PHACTR4: variants seen among roughly 807,000 people sequenced by gnomAD.
The protein encoded by PHACTR4 is protein phosphatase 1, regulatory subunit 124.
In PHACTR4, 51 loss-of-function variants were observed where a neutral mutation model predicts 72.7. The observed-to-expected ratio is 0.70, with a 90% confidence interval of 0.56 to 0.89. PHACTR4 has a LOEUF of 0.89. Ranked by LOEUF, PHACTR4 falls within the 40% of genes least tolerant of loss-of-function variation. The pLI is 0.00. For synonymous variants in PHACTR4, 255 were observed against 302.5 expected (o/e 0.84, Z 1.63); for missense variants, 731 against 861.8 (o/e 0.85, Z 1.90).
At chr1:28,445,410 G>A (rs760816184) in intron 2 of PHACTR4, among the ~76,000 whole-genome samples, 3 of 152,010 alleles carry the variant, frequency 2.0e-5, no homozygotes, top group African/African-American at 4.8e-5. Context: ...TAATTAGAAG[G>A]ACCAAAGATT....
intron 1 of PHACTR4, among the ~76,000 whole-genome samples, chr1:28,378,010 A>G (rs1651821862): frequency 1.3e-5 from 2 of 149,464 alleles, no homozygotes. Flanking sequence ...ATCCTGGCTA[A>G]CACGGTGAAA....
At chr1:28,448,388 A>G (rs905740059) in intron 2 of PHACTR4, among the ~76,000 whole-genome samples, 2 of 149,794 alleles carry the variant, frequency 1.3e-5, no homozygotes, top group African/African-American at 5.0e-5. Context: ...GTTTCAAAAA[A>G]AAAGAAAAGA....
At chr1:28,376,159 CTCT>C (rs530353060) in intron 1 of PHACTR4, among the ~76,000 whole-genome samples, 112 of 152,006 alleles carry the variant, frequency 7.4e-4, no homozygotes, top group African/African-American at 2.6e-3. Context: ...TTTTTCTTTT[CTCT>C]TCTTTCTTTT....
chr1:28,400,590 T>C (rs1653871287), intron 1 of PHACTR4, among the ~76,000 whole-genome samples: 1 of 151,464 alleles, frequency 6.6e-6, no homozygotes, highest in Admixed American at 6.6e-5. Flanking sequence ...GAGTGAAGGA[T>C]TTTTTTTGAG....
chr1:28,389,442 A>G (rs1652823177), intron 1 of PHACTR4, among the ~76,000 whole-genome samples: 1 of 151,700 alleles, frequency 6.6e-6, no homozygotes, highest in Admixed American at 6.6e-5. Flanking sequence ...GGGAACCCTC[A>G]TGCACTGTTG....
chr1:28,494,198 CAA>C (rs35161369), intron 13 of PHACTR4: 7 of 136,056 alleles, frequency 5.1e-5, no homozygotes, highest in Non-Finnish European at 8.1e-5. Flanking sequence ...TCCATCCCTA[CAA>C]AAAAAAAAAA....
At chr1:28,473,471 C>T in intron 6 of PHACTR4, 83 bp from the exon 7 acceptor site, 1 of 1,019,784 alleles carries the variant, frequency 9.8e-7, no homozygotes. Context: ...TAAAACTGAA[C>T]TCAACTTTAA....
intron 9 of PHACTR4, among the ~76,000 whole-genome samples, chr1:28,487,061 C>G (rs114626740): frequency 6.6e-6 from 1 of 151,876 alleles, no homozygotes; most frequent in African/African-American, 2.4e-5. Context: ...TACATACATA[C>G]GTACTTTTTA....
At position 28,415,228 on chromosome 1, in the gene PHACTR4, G is replaced by A. The variant is rs895452418; in HGVS notation, c.16+7765G>A. Among the ~76,000 whole-genome samples, 5 of 148,066 alleles carry A rather than the reference G, an allele frequency of 3.4e-5. No individual in the cohort carries two copies. The Admixed American group carries it at 3.4e-4, about 10-fold the overall frequency. On this transcript the variant is annotated intron_variant, in intron 2 of 13. Transcript: ENST00000373839. The stretch of plus-strand genomic sequence containing the variant: ...GTGAGCCAAGATCACGCCACTCCAC[G>A]CCAGCCTGGGCAACAGAGCGAGACT...
intron 6 of PHACTR4, among the ~76,000 whole-genome samples, chr1:28,470,682 G>A (rs1312245084): frequency 6.6e-6 from 1 of 151,904 alleles, no homozygotes; most frequent in South Asian, 2.1e-4. Context: ...CACAGTGTGA[G>A]ACCCTGTCTA....
chr1:28,405,484 G>A (rs1012320152), intron 1 of PHACTR4, among the ~76,000 whole-genome samples: 1 of 151,648 alleles, frequency 6.6e-6, no homozygotes, highest in Non-Finnish European at 1.5e-5. Flanking sequence ...AGGCCACCAT[G>A]CCCAGCTAAT....
chr1:28,487,364 TA>T (rs905531025), intron 9 of PHACTR4, among the ~76,000 whole-genome samples: 2 of 149,316 alleles, frequency 1.3e-5, no homozygotes, highest in East Asian at 2.0e-4. Context: ...AGATTCTGCC[TA>T]AAAAAAAATA....
At chr1:28,490,715 T>G (rs567717744) in intron 10 of PHACTR4, among the ~76,000 whole-genome samples, 1 of 147,814 alleles carries the variant, frequency 6.8e-6, no homozygotes, top group African/African-American at 2.5e-5. Flanking sequence ...GCATGGCATG[T>G]GCCTGTAATC....
Position 28,459,170 on chromosome 1 carries a change from G to A in PHACTR4, c.102G>A (p.Lys34=), listed in dbSNP as rs1057100791. 2 of 1,613,840 alleles carry A rather than the reference G, an allele frequency of 1.2e-6. No homozygotes were observed. The highest frequency in any genetic ancestry group is 1.7e-6 in the Non-Finnish European group (2 of 1,179,904). The change falls in exon 3 of 14, where the codon AAG becomes AAA. Residue 34 remains lysine, a synonymous_variant. Transcript: ENST00000373839. Reference sequence around the variant, plus strand: ...ACACAACACCTCCTACCAAAAGGAAGAGCAAGTTCTCAGGCTTTGGCAAGA... The same window carrying A: ...ACACAACACCTCCTACCAAAAGGAAAAGCAAGTTCTCAGGCTTTGGCAAGA... ...AGDTTPPTKR[K]SKFSGFGKIF...
chr1:28,418,266 C>T (rs986735174), intron 2 of PHACTR4, among the ~76,000 whole-genome samples: 3 of 151,546 alleles, frequency 2.0e-5, no homozygotes, highest in African/African-American at 7.3e-5. Context: ...AGTTTGAGAC[C>T]ACACTGCCCA....
At chr1:28,446,270 A>T (rs1184603071) in intron 2 of PHACTR4, among the ~76,000 whole-genome samples, 2 of 152,226 alleles carry the variant, frequency 1.3e-5, no homozygotes. Flanking sequence ...ACCAAAACTT[A>T]TTGATCCCTC....
intron 1 of PHACTR4, among the ~76,000 whole-genome samples, chr1:28,390,790 C>T (rs1409832084): frequency 6.6e-6 from 1 of 150,672 alleles, no homozygotes; most frequent in African/African-American, 2.4e-5. Context: ...GAGACTGCAT[C>T]TCAAAAAATA....
chr1:28,496,408 G>C, intron 13 of PHACTR4, 126 bp from the exon 14 acceptor site: 1 of 1,063,774 alleles, frequency 9.4e-7, no homozygotes, highest in Non-Finnish European at 1.4e-6. Flanking sequence ...CAACAGAAAG[G>C]TCAGGTCGAA....
intron 1 of PHACTR4, among the ~76,000 whole-genome samples, chr1:28,382,497 G>T (rs1183032916): frequency 6.6e-6 from 1 of 151,666 alleles, no homozygotes; most frequent in Non-Finnish European, 1.5e-5. Flanking sequence ...TAGAGACAAG[G>T]TTTCACCGTG....
Sources: gnomAD v4.1 joint callset for allele counts (sites outside exome capture counted in the v4.1 genomes callset) on GRCh38, gnomAD v4.1.1 for gene constraint, MANE v1.5 for transcripts, NCBI Gene and HGNC (gene_info 2026-07-23, HGNC 2026-07-21) for gene names.